The following TSHZ3 variants were observed in gnomAD, a reference collection of about 807,000 sequenced individuals.
TSHZ3 encodes teashirt homolog 3.
Under a neutral mutation model 64.5 loss-of-function variants are expected in TSHZ3, and 10 were observed. The ratio of observed to expected loss-of-function variants is 0.16; its 90% confidence interval spans 0.10 to 0.26. The LOEUF (loss-of-function observed/expected upper bound fraction) is 0.26, where lower values mean the gene tolerates loss of function less well. Among genes scored for constraint, TSHZ3 ranks in the 10% least tolerant of loss-of-function variants. The pLI is 1.00. For missense variants in TSHZ3, 1,242 were observed against 1,421.7 expected (o/e 0.87, Z 2.03); for synonymous variants, 608 against 593.1 (o/e 1.03, Z -0.36).
At chr19:31,225,357 G>C (rs80355138) in intron 4 of TSHZ3, among the ~76,000 whole-genome samples, 2,072 of 152,240 alleles carry the variant, frequency 0.014, 44 homozygotes, top group African/African-American at 0.046. Flanking sequence ...CCCAGCCTTG[G>C]CAGAGACGCT....
intron 1 of TSHZ3, chr19:31,308,641 G>A: frequency 5.0e-6 from 2 of 398,574 alleles, no homozygotes; most frequent in South Asian, 2.5e-4. Flanking sequence ...GGGGTAGTGT[G>A]AAGAGACTAG....
chr19:31,332,863 T>C lies in TSHZ3; in HGVS notation c.40+16317A>G, dbSNP rs1917132364. Among the ~76,000 whole-genome samples the C allele has an allele frequency of 2.6e-5, 4 of 151,956 alleles. No individual in the cohort carries two copies. The South Asian group carries it at 8.3e-4, about 32-fold the overall frequency. On this transcript the variant is annotated intron_variant, in intron 1 of 1. Transcript: ENST00000240587. Reference sequence around the variant, plus strand: ...GCTCACACCTGTAATCCCAGCACTTTTGGAGACCGAGGAGGGTAGACTGCT... The same window carrying C: ...GCTCACACCTGTAATCCCAGCACTTCTGGAGACCGAGGAGGGTAGACTGCT...
intron 5 of TSHZ3, among the ~76,000 whole-genome samples, chr19:31,197,405 T>TAGAAAA (rs1975008595): frequency 6.9e-6 from 1 of 144,014 alleles, no homozygotes; most frequent in African/African-American, 2.6e-5. Context: ...TAGAGAAAAT[T>TAGAAAA]AGAAAAAGAA....
At chr19:31,223,404 C>T (rs77203270) in intron 4 of TSHZ3, among the ~76,000 whole-genome samples, 704 of 135,130 alleles carry the variant, frequency 5.2e-3, no homozygotes, top group Non-Finnish European at 8.0e-3. Flanking sequence ...GTGTGTGTGA[C>T]AGAGAGAGGG....
chr19:31,313,161 G>T (rs1403471667), intron 1 of TSHZ3, among the ~76,000 whole-genome samples: 1 of 152,108 alleles, frequency 6.6e-6, no homozygotes, highest in Non-Finnish European at 1.5e-5. Flanking sequence ...GACTCTGCGG[G>T]AAGCCCCAGG....
rs142573487 is a variant in TSHZ3, at chr19:31,276,071, A to T, written c.*476T>A. The T allele has an allele frequency of 5.8e-3, 882 of 153,056 alleles. 5 individuals are homozygous for T. Among genetic ancestry groups the T allele is most frequent in the South Asian group, 0.043 (208 of 4,830 alleles). 9.5% of individuals were successfully genotyped at this position (153,056 alleles called of 1,614,324 possible). On this transcript the variant is annotated 3_prime_UTR_variant, in exon 2 of 2. Coordinates refer to ENST00000240587, the MANE Select transcript of TSHZ3 (RefSeq NM_020856.4). ...TATTATTCATTATAACTAAGCTGGT[A>T]AGGAGTTTAAAAAACAGAGCTTCAT...
intron 3 of TSHZ3, among the ~76,000 whole-genome samples, chr19:31,230,482 A>T (rs1157447882): frequency 7.9e-5 from 12 of 152,124 alleles, no homozygotes; most frequent in Non-Finnish European, 1.8e-4. Context: ...TAAAAACATT[A>T]ACTTTTATTT....
In TSHZ3 at chr19:31,349,191, CG is replaced by C; in HGVS notation, c.28del (p.Arg10GlyfsTer11). On this transcript the variant is annotated frameshift_variant, in exon 1 of 2. Transcript: ENST00000240587. LOFTEE classifies it high-confidence loss of function. MPRRKQQAP[R>X]RAAAYVSEEL... ...GAAGCGGCTCGTACCTGCTGCGCGC[CG>C]GGGCGCCTGCTGCTTCCTCCTCGGC... The C allele has an allele frequency of 6.5e-7, 1 of 1,542,296 alleles. No homozygotes were observed. The highest frequency in any genetic ancestry group is 8.7e-7 in the Non-Finnish European group (1 of 1,144,556).
intron 3 of TSHZ3, among the ~76,000 whole-genome samples, chr19:31,238,580 A>G (rs553676931): frequency 1.2e-4 from 18 of 152,154 alleles, no homozygotes; most frequent in Non-Finnish European, 1.0e-4. Context: ...CCTATGATAA[A>G]CGGTATACAT....
chr19:31,348,434 T>G (rs1313417601), intron 1 of TSHZ3, among the ~76,000 whole-genome samples: 1 of 150,216 alleles, frequency 6.7e-6, no homozygotes, highest in East Asian at 2.0e-4. Flanking sequence ...CGGCTCAGTC[T>G]TAACAGGAGT....
chr19:31,250,222 C>G (rs1852684985), intron 1 of TSHZ3, among the ~76,000 whole-genome samples: 3 of 152,234 alleles, frequency 2.0e-5, no homozygotes, highest in African/African-American at 7.2e-5. Context: ...TACCTGCAAG[C>G]AGACATTGTT....
At chr19:31,188,971 T>A (rs1489742744) in intron 5 of TSHZ3, among the ~76,000 whole-genome samples, 1 of 151,966 alleles carries the variant, frequency 6.6e-6, no homozygotes, top group Non-Finnish European at 1.5e-5. Context: ...ACATAGCTAA[T>A]CAGTTTTTAT....
intron 1 of TSHZ3, among the ~76,000 whole-genome samples, chr19:31,345,662 G>A (rs954913824): frequency 6.6e-6 from 1 of 150,600 alleles, no homozygotes; most frequent in Admixed American, 6.7e-5. Flanking sequence ...ATTGTGGTTC[G>A]ATGGTTTCTT....
At chr19:31,203,351 G>A (rs1047966238) in intron 5 of TSHZ3, among the ~76,000 whole-genome samples, 5 of 152,190 alleles carry the variant, frequency 3.3e-5, no homozygotes, top group South Asian at 2.1e-4. Context: ...GGTGAGCTAG[G>A]CAGGGCATTG....
At chr19:31,246,009 A>G (rs924421071) in intron 1 of TSHZ3, among the ~76,000 whole-genome samples, 4 of 152,206 alleles carry the variant, frequency 2.6e-5, no homozygotes, top group African/African-American at 9.6e-5. Flanking sequence ...TCCATAGATG[A>G]GGCATGCTAA....
intron 1 of TSHZ3, among the ~76,000 whole-genome samples, chr19:31,330,235 G>C (rs570030053): frequency 1.3e-5 from 2 of 152,050 alleles, no homozygotes; most frequent in South Asian, 4.2e-4. Context: ...AATAAAACTC[G>C]CTAAACTCTC....
chr19:31,182,141 G>A (rs1176011244), intron 5 of TSHZ3, among the ~76,000 whole-genome samples: 1 of 152,158 alleles, frequency 6.6e-6, no homozygotes, highest in Non-Finnish European at 1.5e-5. Flanking sequence ...TGGAGAGTGA[G>A]CTCCATCAGT....
rs916370059 is a variant in TSHZ3 at position 31,336,136 on chromosome 19, A to G, written c.40+13044T>C. 2.6e-5 allele frequency among the ~76,000 whole-genome samples: 4 copies of G among 151,838 alleles called. No homozygotes were observed. In the East Asian group the frequency reaches 5.8e-4, roughly 22 times the overall value. On this transcript the variant is annotated intron_variant, in intron 1 of 1. Transcript: ENST00000240587. ...CAAGCATAGTATCCAAAAATAAAAG[A>G]GTAGATCTGTTTCAGGGTTTGCAGC... is the stretch of plus-strand genomic sequence containing the variant.
chr19:31,195,336 C>G (rs1043805497), intron 5 of TSHZ3, among the ~76,000 whole-genome samples: 1 of 151,800 alleles, frequency 6.6e-6, no homozygotes, highest in African/African-American at 2.4e-5. Context: ...AAATAATTCC[C>G]CAAAGAAGCC....
Sources: allele counts gnomAD v4.1 joint callset (sites outside exome capture counted in the v4.1 genomes callset), GRCh38; gene constraint gnomAD v4.1.1; transcripts MANE v1.5; gene names NCBI Gene and HGNC (gene_info 2026-07-23, HGNC 2026-07-21).